The following GARRE1 variants were observed in gnomAD, a reference collection of about 807,000 sequenced individuals.
GARRE1 encodes granule associated Rac and RHOG effector protein 1.
In GARRE1, 49 loss-of-function variants were observed where a neutral mutation model predicts 103.2. The observed-to-expected ratio is 0.47, with a 90% confidence interval of 0.38 to 0.60. The LOEUF (loss-of-function observed/expected upper bound fraction) is 0.60, where lower values mean the gene tolerates loss of function less well. Among genes scored for constraint, GARRE1 ranks in the 20% least tolerant of loss-of-function variants. The pLI, the probability that GARRE1 is intolerant of heterozygous loss-of-function variation, is 0.00. For synonymous variants in GARRE1, 505 were observed against 532.8 expected, an observed-to-expected ratio of 0.95 and a Z score of 0.72; for missense variants, 1,199 against 1,370.5, an observed-to-expected ratio of 0.87 and a Z score of 1.98.
At chr19:34,337,777 A>G (rs2074167810) in intron 8 of GARRE1, among the ~76,000 whole-genome samples, 1 of 152,224 alleles carries the variant, frequency 6.6e-6, no homozygotes, top group Non-Finnish European at 1.5e-5. Context: ...GATTTTTCAG[A>G]AAGATTAATT....
chr19:34,284,894 GATA>G (rs1599755407), intron 1 of GARRE1, among the ~76,000 whole-genome samples: 1 of 152,020 alleles, frequency 6.6e-6, no homozygotes. Context: ...TTAAAATAAT[GATA>G]ATAATAATAA....
intron 10 of GARRE1, among the ~76,000 whole-genome samples, chr19:34,345,376 A>T (rs963204518): frequency 6.6e-6 from 1 of 152,110 alleles, no homozygotes; most frequent in Non-Finnish European, 1.5e-5. Flanking sequence ...AAGGGTAAAC[A>T]CCTCCATCCT....
chr19:34,317,728 G>T (rs1487475822), intron 2 of GARRE1, among the ~76,000 whole-genome samples: 2 of 152,206 alleles, frequency 1.3e-5, no homozygotes, highest in African/African-American at 4.8e-5. Context: ...GCCTTTCTAT[G>T]CCTTGATCTT....
intron 10 of GARRE1, among the ~76,000 whole-genome samples, chr19:34,344,736 G>A (rs1009983484): frequency 6.6e-5 from 10 of 151,906 alleles, no homozygotes; most frequent in Middle Eastern, 3.2e-3. Flanking sequence ...GCAGTGGCGC[G>A]ATCCCCACTT....
chr19:34,268,493 G>A (rs2073766206), intron 1 of GARRE1, among the ~76,000 whole-genome samples: 1 of 152,048 alleles, frequency 6.6e-6, no homozygotes, highest in Non-Finnish European at 1.5e-5. Flanking sequence ...TGTTTTGATG[G>A]CAGCAGGTTT....
At position 34,267,445 on chromosome 19, in the gene GARRE1, GTCC is replaced by G. The variant is rs1287470939; in HGVS notation, c.-796+12836_-796+12838del. ...GGTCTTGAGCTCCTGAGCTCAAGCA[GTCC>G]TCCTACCTTGGCCTCCCAAAGTGCT... On this transcript the variant is annotated intron_variant, in intron 1 of 13. Coordinates refer to ENST00000299505, the MANE Select transcript of GARRE1 (RefSeq NM_014686.5). 2.6e-5 allele frequency among the ~76,000 whole-genome samples: 4 copies of G among 151,582 alleles called. No homozygotes were observed. The East Asian group carries it at 7.9e-4, about 30-fold the overall frequency.
At chr19:34,301,741 G>A (rs571258912) in intron 2 of GARRE1, among the ~76,000 whole-genome samples, 1 of 146,776 alleles carries the variant, frequency 6.8e-6, no homozygotes, top group African/African-American at 2.5e-5. Flanking sequence ...GGAGTGCGGT[G>A]GCACGATCTC....
At chr19:34,276,310 T>C (rs1379492354) in intron 1 of GARRE1, among the ~76,000 whole-genome samples, 2 of 152,216 alleles carry the variant, frequency 1.3e-5, no homozygotes, top group Non-Finnish European at 2.9e-5. Context: ...CCCAAAGTGC[T>C]GGGATTACAG....
In GARRE1 at chr19:34,287,088, G is replaced by A. The variant is rs528308105; in HGVS notation, c.-795-12591G>A. On this transcript the variant is annotated intron_variant, in intron 1 of 13. Coordinates refer to ENST00000299505, the MANE Select transcript of GARRE1 (RefSeq NM_014686.5). ...CAGGGGGCGGAGCTTGCAGTGAGCC[G>A]AGATTGCGCCACTGCACTCCAGCCT... Among the ~76,000 whole-genome samples the A allele has an allele frequency of 8.1e-5, 12 of 148,850 alleles. No homozygotes were observed. In the East Asian group the frequency reaches 1.2e-3, roughly 15 times the overall value.
At chr19:34,309,386 G>A (rs929949460) in intron 2 of GARRE1, among the ~76,000 whole-genome samples, 6 of 152,106 alleles carry the variant, frequency 3.9e-5, no homozygotes, top group Non-Finnish European at 8.8e-5. Flanking sequence ...AGATAAGTTG[G>A]GAAGCTTGAA....
At chr19:34,305,039 G>T (rs1260707902) in intron 2 of GARRE1, among the ~76,000 whole-genome samples, 1 of 151,924 alleles carries the variant, frequency 6.6e-6, no homozygotes, top group Non-Finnish European at 1.5e-5. Context: ...GGATCCGCCC[G>T]TCTCGGCCTC....
intron 1 of GARRE1, among the ~76,000 whole-genome samples, chr19:34,292,073 G>T (rs1160900595): frequency 6.6e-6 from 1 of 152,072 alleles, no homozygotes; most frequent in African/African-American, 2.4e-5. Context: ...TGTTGGCCAG[G>T]CTGGTCTCAA....
intron 1 of GARRE1, among the ~76,000 whole-genome samples, chr19:34,290,789 A>T (rs539386764): frequency 6.7e-6 from 1 of 150,222 alleles, no homozygotes; most frequent in Admixed American, 6.6e-5. Flanking sequence ...ATGCCCAGCT[A>T]CAAAGTCTAT....
At chr19:34,325,856 T>C (rs2074109280) in intron 3 of GARRE1, among the ~76,000 whole-genome samples, 1 of 152,094 alleles carries the variant, frequency 6.6e-6, no homozygotes, top group Admixed American at 6.6e-5. Context: ...CACGGACCCG[T>C]CTGTAGGTCT....
intron 7 of GARRE1, among the ~76,000 whole-genome samples, chr19:34,330,628 GC>G (rs995485509): frequency 2.6e-5 from 4 of 151,972 alleles, no homozygotes; most frequent in Non-Finnish European, 5.9e-5. Context: ...TACAGTCTGG[GC>G]CCCATGGCTC....
chr19:34,335,353 C>CAT (rs911627536), intron 8 of GARRE1, among the ~76,000 whole-genome samples: 1 of 152,106 alleles, frequency 6.6e-6, no homozygotes, highest in Non-Finnish European at 1.5e-5. Flanking sequence ...AAAAACTAAG[C>CAT]ATATATTGGA....
chr19:34,294,415 C>T (rs1330054935), intron 1 of GARRE1, among the ~76,000 whole-genome samples: 1 of 151,040 alleles, frequency 6.6e-6, no homozygotes, highest in Non-Finnish European at 1.5e-5. Flanking sequence ...AGAGAGAGAC[C>T]CCATCTCTAA....
chr19:34,347,374 G>GCCAC (rs1242648204), intron 10 of GARRE1, among the ~76,000 whole-genome samples: 1 of 152,136 alleles, frequency 6.6e-6, no homozygotes, highest in African/African-American at 2.4e-5. Flanking sequence ...ACAGGCGTGA[G>GCCAC]CCACCGCGCC....
At position 34,339,683 on chromosome 19, in the gene GARRE1, T is replaced by G. The variant is rs1384222948; in HGVS notation, c.1362-184T>G. 3.3e-5 allele frequency among the ~76,000 whole-genome samples: 5 copies of G among 152,224 alleles called. No homozygotes were observed. The East Asian group carries it at 9.6e-4, about 29-fold the overall frequency. The stretch of plus-strand genomic sequence containing the variant: ...TGAGACCTCAGACCTTTTTGCTTCC[T>G]ACTCCTCTTGTGGGGCAGTGAGTTC... On this transcript the variant is annotated intron_variant, in intron 8 of 13. Coordinates refer to ENST00000299505, the MANE Select transcript of GARRE1 (RefSeq NM_014686.5).
Sources: allele counts gnomAD v4.1 joint callset (sites outside exome capture counted in the v4.1 genomes callset), GRCh38; gene constraint gnomAD v4.1.1; transcripts MANE v1.5; gene names NCBI Gene and HGNC (gene_info 2026-07-23, HGNC 2026-07-21).